ANO4: variants seen among roughly 807,000 people sequenced by gnomAD.
ANO4 encodes the protein anoctamin-4.
ANO4 carries 69 observed loss-of-function variants against 141.9 expected under a neutral mutation model. The ratio of observed to expected loss-of-function variants is 0.49; its 90% CI spans 0.40 to 0.59. The LOEUF (loss-of-function observed/expected upper bound fraction) is 0.59, where lower values mean the gene tolerates loss of function less well. ANO4 is among the 20% of genes least tolerant of loss of function. The pLI, the probability that ANO4 is intolerant of heterozygous loss-of-function variation, is 0.00. For missense variants in ANO4, 894 were observed against 1,162.2 expected, an observed-to-expected ratio of 0.77 and a Z score of 3.36; for synonymous variants, 350 against 394.3, an observed-to-expected ratio of 0.89 and a Z score of 1.33.
chr12:100,942,974 T>C (rs566384237), intron 5 of ANO4, among the ~76,000 whole-genome samples: 2 of 152,290 alleles, frequency 1.3e-5, no homozygotes, highest in South Asian at 2.1e-4. Flanking sequence ...CCTGGCCAAT[T>C]TGGCCAAAAG....
At chr12:100,743,785 G>A (rs1328156279) in intron 3 of ANO4, among the ~76,000 whole-genome samples, 1 of 152,068 alleles carries the variant, frequency 6.6e-6, no homozygotes, top group Non-Finnish European at 1.5e-5. Flanking sequence ...TTTCGCTTGG[G>A]TTTGTTATAC....
At chr12:101,093,807 GC>G (rs1162111927) in intron 17 of ANO4, among the ~76,000 whole-genome samples, 1 of 152,078 alleles carries the variant, frequency 6.6e-6, no homozygotes, top group Non-Finnish European at 1.5e-5. Context: ...TCACTTCAGT[GC>G]TTTTGAATGC....
At chr12:100,887,484 C>T (rs1428051501) in intron 1 of ANO4, among the ~76,000 whole-genome samples, 2 of 151,712 alleles carry the variant, frequency 1.3e-5, no homozygotes, top group East Asian at 1.9e-4. Flanking sequence ...CTCTCTTGCT[C>T]CTAAAGGAGA....
At position 100,727,593 on chromosome 12, in the gene ANO4, GT is replaced by G. The variant is rs201225825; in HGVS notation, c.23-6173del. 4.2e-3 allele frequency among the ~76,000 whole-genome samples: 633 copies of G among 151,898 alleles called. 2 individuals are homozygous for G. Among genetic ancestry groups the G allele is most frequent in the African/African-American group, 0.015 (605 of 41,466 alleles). On this transcript the variant is annotated intron_variant, in intron 1 of 29. Coordinates refer to the ANO4 transcript ENST00000644049. Reference sequence around the variant, plus strand: ...ATGTTTCTCTTACAAACAGCATTTAGTTTTTTTTGGTTGTTGTTTTTAGAAA... The same window carrying G: ...ATGTTTCTCTTACAAACAGCATTTAGTTTTTTTGGTTGTTGTTTTTAGAAA...
At chr12:101,010,156 C>T (rs1248116957) in intron 8 of ANO4, among the ~76,000 whole-genome samples, 3 of 152,118 alleles carry the variant, frequency 2.0e-5, no homozygotes, top group African/African-American at 7.2e-5. Context: ...TATCTTTGTT[C>T]TATGAGTGTT....
At chr12:100,867,183 T>C (rs963605102) in intron 1 of ANO4, among the ~76,000 whole-genome samples, 1 of 152,206 alleles carries the variant, frequency 6.6e-6, no homozygotes, top group Non-Finnish European at 1.5e-5. Flanking sequence ...ATAGTTGTGA[T>C]TGGCAATATC....
At chr12:100,838,266 A>G (rs2037055231) in intron 1 of ANO4, among the ~76,000 whole-genome samples, 1 of 149,626 alleles carries the variant, frequency 6.7e-6, no homozygotes, top group Admixed American at 6.7e-5. Context: ...TGCAAGAGTT[A>G]CCACCTGCTG....
chr12:100,893,647 G>A (rs2040209954), intron 1 of ANO4, among the ~76,000 whole-genome samples: 1 of 152,084 alleles, frequency 6.6e-6, no homozygotes, highest in Non-Finnish European at 1.5e-5. Context: ...AGCAAGTCAT[G>A]ATGGCCAAGT....
intron 1 of ANO4, among the ~76,000 whole-genome samples, chr12:100,862,283 G>A (rs542911989): frequency 1.5e-3 from 225 of 152,142 alleles, no homozygotes; most frequent in Non-Finnish European, 2.8e-3. Flanking sequence ...AAAAAGTGTA[G>A]TACAGTAAAT....
intron 8 of ANO4, among the ~76,000 whole-genome samples, chr12:101,002,327 A>G (rs2045681740): frequency 6.6e-6 from 1 of 152,232 alleles, no homozygotes; most frequent in South Asian, 2.1e-4. Context: ...ACCCTTCATC[A>G]TGCCCTTGGC....
Position 101,097,690 on chromosome 12 carries a change from C to T in ANO4, c.1890C>T (p.Asn630=), listed in dbSNP as rs1408981514. 1.9e-6 allele frequency: 3 copies of T among 1,613,706 alleles called. No individual in the cohort carries two copies. The highest frequency in any genetic ancestry group is 1.7e-5 in the Admixed American group (1 of 59,978). ...CAGGTGCCTACTTGAGGCTGATAAACAGGTGGAGACTAGAAGAGGTCTGTA... is the reference window on the plus strand; with the variant it reads ...CAGGTGCCTACTTGAGGCTGATAAATAGGTGGAGACTAGAAGAGGTCTGTA... ...GHPGAYLRLI[N]RWRLEECHPS... The change falls in exon 20 of 28, where the codon AAC becomes AAT. Residue 630 remains asparagine (N), a synonymous_variant. Transcript: ENST00000392977.
intron 1 of ANO4, among the ~76,000 whole-genome samples, chr12:100,804,545 T>C (rs2034885996): frequency 6.6e-6 from 1 of 152,248 alleles, no homozygotes; most frequent in East Asian, 1.9e-4. Context: ...CTGCAATGGC[T>C]GAAGTAATTT....
intron 4 of ANO4, among the ~76,000 whole-genome samples, chr12:100,941,284 C>T (rs2042499665): frequency 6.6e-6 from 1 of 151,660 alleles, no homozygotes; most frequent in South Asian, 2.1e-4. Context: ...CAATCCCATA[C>T]CTCTACCCTA....
At chr12:100,908,879 T>C (rs891290641) in intron 2 of ANO4, among the ~76,000 whole-genome samples, 23 of 152,236 alleles carry the variant, frequency 1.5e-4, no homozygotes, top group African/African-American at 5.3e-4. Context: ...CTGAACAATT[T>C]CAGTATGTTT....
intron 1 of ANO4, among the ~76,000 whole-genome samples, chr12:100,803,631 C>T (rs1168767794): frequency 6.6e-6 from 1 of 152,110 alleles, no homozygotes; most frequent in Non-Finnish European, 1.5e-5. Context: ...GGTGGAGTGC[C>T]TGGGCTCTGG....
At chr12:100,747,969 A>G (rs1314713585) in intron 3 of ANO4, among the ~76,000 whole-genome samples, 5 of 152,200 alleles carry the variant, frequency 3.3e-5, no homozygotes, top group African/African-American at 7.2e-5. Flanking sequence ...AGAAATGACT[A>G]TCTTCTGTTC....
chr12:100,856,997 TCTC>T (rs1236110212), intron 1 of ANO4, among the ~76,000 whole-genome samples: 3 of 152,116 alleles, frequency 2.0e-5, no homozygotes, highest in African/African-American at 7.2e-5. Flanking sequence ...TCTTCTTTCT[TCTC>T]TAGTTAGTGA....
intron 1 of ANO4, among the ~76,000 whole-genome samples, chr12:100,732,753 G>T (rs2031433127): frequency 6.6e-6 from 1 of 152,150 alleles, no homozygotes; most frequent in Admixed American, 6.5e-5. Context: ...GCCACATGCT[G>T]TCAGTGTGAC....
intron 1 of ANO4, among the ~76,000 whole-genome samples, chr12:100,868,781 C>T (rs972425804): frequency 1.3e-5 from 2 of 152,218 alleles, no homozygotes; most frequent in African/African-American, 4.8e-5. Context: ...AGATTTCTTC[C>T]TCTCCAGCAG....
Sources: gnomAD v4.1 joint callset for allele counts (sites outside exome capture counted in the v4.1 genomes callset) on GRCh38, gnomAD v4.1.1 for gene constraint, MANE v1.5 for transcripts, NCBI Gene and HGNC (gene_info 2026-07-23, HGNC 2026-07-21) for gene names.